FRMPD4: variants seen among roughly 807,000 people sequenced by gnomAD.
The protein encoded by FRMPD4 is FERM and PDZ domain-containing protein 4.
A neutral mutation model predicts 94.1 loss-of-function variants in FRMPD4; 22 were observed. That is an observed-to-expected ratio of 0.23 (90% CI 0.17 to 0.33). FRMPD4 has a LOEUF of 0.33. Among genes scored for constraint, FRMPD4 ranks in the 10% least tolerant of loss-of-function variants. The probability of loss-of-function intolerance (pLI) is 1.00; values close to 1 mark genes in which losing one functional copy is unlikely to be tolerated. For synonymous variants in FRMPD4, 631 were observed against 548.6 expected, an observed-to-expected ratio of 1.15 and a Z score of -2.10; for missense variants, 1,111 against 1,339.9, an observed-to-expected ratio of 0.83 and a Z score of 2.67.
intron 4 of FRMPD4, among the ~76,000 whole-genome samples, chrX:12,637,080 T>A (rs965797857): frequency 2.7e-5 from 3 of 112,399 alleles, no homozygotes; most frequent in Admixed American, 9.5e-5. Context: ...CTAAGAAATA[T>A]GTGTACATTT....
intron 4 of FRMPD4, among the ~76,000 whole-genome samples, chrX:12,653,034 T>C (rs1353391899): frequency 9.0e-6 from 1 of 111,650 alleles, no homozygotes; most frequent in Non-Finnish European, 1.9e-5. Context: ...GGTTAAAATG[T>C]AAGTTCTGCA....
Position 12,062,041 on chromosome X carries a change from C to G in FRMPD4, c.95+184023C>G, listed in dbSNP as rs771999441. The stretch of plus-strand genomic sequence containing the variant: ...AGCCTTAAAATTTTTAATTAATAAA[C>G]TAAAACTTGATGTAAAATACCAGAG... On this transcript the variant is annotated intron_variant, in intron 3 of 18. Coordinates refer to the FRMPD4 transcript ENST00000640291. Among the ~76,000 whole-genome samples, 3 of 111,716 alleles carry G rather than the reference C, an allele frequency of 2.7e-5. No individual in the cohort carries two copies. The Admixed American group carries it at 2.9e-4, about 11-fold the overall frequency.
upstream of FRMPD4, among the ~76,000 whole-genome samples, chrX:12,133,570 G>A (rs1428189967): frequency 1.8e-5 from 2 of 111,694 alleles, no homozygotes; most frequent in African/African-American, 6.5e-5. Flanking sequence ...GATTACAGGC[G>A]TGAGCCACCA....
intron 2 of FRMPD4, among the ~76,000 whole-genome samples, chrX:12,499,794 T>G (rs754356434): frequency 8.9e-6 from 1 of 112,233 alleles, no homozygotes; most frequent in Non-Finnish European, 1.9e-5. Flanking sequence ...ATTTGGGTTG[T>G]TTCCACCTTT....
intron 3 of FRMPD4, among the ~76,000 whole-genome samples, chrX:11,881,211 A>G (rs1014182362): frequency 7.1e-5 from 8 of 112,259 alleles, no homozygotes; most frequent in Non-Finnish European, 1.5e-4. Context: ...CTATTGGCAA[A>G]ATAGTACAGT....
At chrX:12,652,951 G>C (rs1475186671) in intron 4 of FRMPD4, among the ~76,000 whole-genome samples, 1 of 111,938 alleles carries the variant, frequency 8.9e-6, no homozygotes, top group Non-Finnish European at 1.9e-5. Context: ...TTCAGCTCTA[G>C]TGGGAGAATG....
chrX:11,949,940 A>G (rs1440053381), intron 3 of FRMPD4, among the ~76,000 whole-genome samples: 3 of 112,330 alleles, frequency 2.7e-5, no homozygotes, highest in Non-Finnish European at 3.8e-5. Flanking sequence ...CTGCCTTGAT[A>G]TACATATACA....
intron 9 of FRMPD4, among the ~76,000 whole-genome samples, chrX:12,698,843 C>A (rs2060160118): frequency 9.0e-6 from 1 of 111,227 alleles, no homozygotes; most frequent in South Asian, 3.8e-4. Flanking sequence ...AACATATTTA[C>A]AGGTATCATG....
chrX:12,378,853 T>TCAC (rs1246915076), intron 1 of FRMPD4, among the ~76,000 whole-genome samples: 4 of 111,974 alleles, frequency 3.6e-5, no homozygotes, highest in African/African-American at 1.3e-4. Flanking sequence ...CAGGAGTGTT[T>TCAC]TTAGTGAGAA....
intron 1 of FRMPD4, among the ~76,000 whole-genome samples, chrX:11,859,381 G>A (rs1338236868): frequency 8.9e-6 from 1 of 111,986 alleles, no homozygotes; most frequent in African/African-American, 3.2e-5. Context: ...ATAAAGTTTT[G>A]TAAAATATAT....
chrX:12,484,047 G>C (rs2057715699), intron 1 of FRMPD4, among the ~76,000 whole-genome samples: 1 of 111,592 alleles, frequency 9.0e-6, no homozygotes, highest in Non-Finnish European at 1.9e-5. Flanking sequence ...TGAATGAAAT[G>C]CTGAGCATTA....
intron 13 of FRMPD4, among the ~76,000 whole-genome samples, chrX:12,709,439 T>C (rs1320077274): frequency 8.9e-6 from 1 of 112,126 alleles, no homozygotes; most frequent in Non-Finnish European, 1.9e-5. Context: ...CAACACTTTT[T>C]TTTCCCTATA....
chrX:12,338,032 T>G (rs2055553924), intron 1 of FRMPD4, among the ~76,000 whole-genome samples: 2 of 112,268 alleles, frequency 1.8e-5, no homozygotes, highest in South Asian at 7.4e-4. Flanking sequence ...TATTGCACTC[T>G]TACATGGTGG....
chrX:11,908,172 G>T (rs2053977987), intron 3 of FRMPD4, among the ~76,000 whole-genome samples: 1 of 111,695 alleles, frequency 9.0e-6, no homozygotes, highest in Non-Finnish European at 1.9e-5. Context: ...TCCGTGTGTA[G>T]GTCCGTCACT....
intron 3 of FRMPD4, among the ~76,000 whole-genome samples, chrX:12,087,076 C>T (rs1263485320): frequency 9.0e-6 from 1 of 111,360 alleles, no homozygotes; most frequent in Non-Finnish European, 1.9e-5. Flanking sequence ...CTCACTCCAA[C>T]CTGCTGAGAT....
At chrX:11,899,128 A>ATGAT (rs2053919845) in intron 3 of FRMPD4, among the ~76,000 whole-genome samples, 1 of 112,481 alleles carries the variant, frequency 8.9e-6, no homozygotes, top group Non-Finnish European at 1.9e-5. Flanking sequence ...GGCATTTTGT[A>ATGAT]TGATGATAGT....
intron 4 of FRMPD4, among the ~76,000 whole-genome samples, chrX:12,652,163 G>A (rs1039640704): frequency 1.8e-5 from 2 of 112,011 alleles, no homozygotes; most frequent in Admixed American, 9.5e-5. Context: ...ACATAAACAG[G>A]TTTCATTCAG....
intron 1 of FRMPD4, among the ~76,000 whole-genome samples, chrX:12,221,346 T>C (rs189408289): frequency 2.9e-4 from 32 of 112,200 alleles, no homozygotes; most frequent in Non-Finnish European, 4.9e-4. Context: ...TTAGCAAACA[T>C]AGAAGGAAAT....
chrX:12,572,334 C>A (rs57450443), intron 2 of FRMPD4, among the ~76,000 whole-genome samples: 1,145 of 112,040 alleles, frequency 0.01, 12 homozygotes, highest in African/African-American at 0.033. Context: ...TCCAGAGCTT[C>A]TACTGTATAA....
Sources: gnomAD v4.1 joint callset for allele counts (sites outside exome capture counted in the v4.1 genomes callset) on GRCh38, gnomAD v4.1.1 for gene constraint, MANE v1.5 for transcripts, NCBI Gene and HGNC (gene_info 2026-07-23, HGNC 2026-07-21) for gene names.